The following PRIM2 variants were observed in gnomAD, a reference collection of about 807,000 sequenced individuals.
PRIM2 encodes DNA primase subunit 2, also known as DNA primase large subunit.
In PRIM2, 39 loss-of-function variants were observed where a neutral mutation model predicts 67.3. The observed-to-expected ratio is 0.58, with a 90% CI of 0.45 to 0.76. The LOEUF is 0.76. Among genes scored for constraint, PRIM2 ranks in the 30% least tolerant of loss-of-function variants. The pLI is 0.00. For missense variants in PRIM2, 398 were observed against 598.7 expected, an observed-to-expected ratio of 0.66 and a Z score of 3.50; for synonymous variants, 143 against 198.7, an observed-to-expected ratio of 0.72 and a Z score of 2.36.
intron 5 of PRIM2, among the ~76,000 whole-genome samples, chr6:57,327,518 G>A (rs948784696): frequency 6.6e-6 from 1 of 152,120 alleles, no homozygotes; most frequent in African/African-American, 2.4e-5. Flanking sequence ...TGCTAGGTAG[G>A]CAGTTTCTAT....
chr6:57,619,367 C>G (rs1776811299), intron 12 of PRIM2, among the ~76,000 whole-genome samples: 1 of 152,044 alleles, frequency 6.6e-6, no homozygotes, highest in South Asian at 2.1e-4. Context: ...CTCATCAACA[C>G]CCCCTAAAAA....
intron 13 of PRIM2, among the ~76,000 whole-genome samples, chr6:57,636,418 C>CA (rs1165426674): frequency 6.6e-5 from 10 of 151,918 alleles, no homozygotes; most frequent in African/African-American, 1.9e-4. Flanking sequence ...CCCCCACATA[C>CA]AAAAAAACCC....
chr6:57,311,059 G>A (rs1277814389), upstream of PRIM2, among the ~76,000 whole-genome samples: 16 of 145,880 alleles, frequency 1.1e-4, no homozygotes, highest in African/African-American at 3.6e-4. Flanking sequence ...ACAGGGTGGC[G>A]GCCGGGCAGA....
intron 12 of PRIM2, among the ~76,000 whole-genome samples, chr6:57,613,837 T>A (rs1166854279): frequency 2.6e-5 from 4 of 152,256 alleles, no homozygotes; most frequent in African/African-American, 9.6e-5. Flanking sequence ...CTCTTTTTTT[T>A]TATTTATTTT....
chr6:57,518,015 AT>A lies in PRIM2; in HGVS notation c.761+10564del, dbSNP rs1262605662. Among the ~76,000 whole-genome samples, 195 of 152,270 alleles carry A rather than the reference AT, an allele frequency of 1.3e-3. 5 individuals are homozygous for A. The East Asian group carries it at 0.016, about 12-fold the overall frequency. ...GGCATTCCAGAACCAATTAACCTTT[AT>A]TTACTCAGAGTAAACACAAAACAAA... On this transcript the variant is annotated intron_variant, in intron 8 of 13. Coordinates refer to ENST00000615550, the MANE Select transcript of PRIM2 (RefSeq NM_000947.5).
Position 57,523,408 on chromosome 6 carries a change from C to T in PRIM2, c.762-9003C>T, listed in dbSNP as rs1250720342. 9.8e-5 allele frequency among the ~76,000 whole-genome samples: 15 copies of T among 152,344 alleles called. No individual in the cohort carries two copies. In the South Asian group the frequency reaches 2.5e-3, roughly 25 times the overall value. The stretch of plus-strand genomic sequence containing the variant: ...TTATTGCCTGGTTCTTTTATGCCTC[C>T]ATGATTGCCTTGGGCAAACTGGACT... On this transcript the variant is annotated intron_variant, in intron 8 of 13. Transcript: ENST00000615550.
At chr6:57,238,664 A>T in the PRIM2 span, among the ~76,000 whole-genome samples, 2 of 152,206 alleles carry the variant, frequency 1.3e-5, no homozygotes, top group South Asian at 4.1e-4. Context: ...CTGGAGAAGC[A>T]AGAGCAAATA....
At chr6:57,501,132 T>G (rs1262828025) in intron 7 of PRIM2, among the ~76,000 whole-genome samples, 2 of 152,210 alleles carry the variant, frequency 1.3e-5, no homozygotes, top group Non-Finnish European at 2.9e-5. Flanking sequence ...ACAATTACCT[T>G]TTCCATCCTG....
In PRIM2 at chr6:57,418,136, T is replaced by C. The variant is rs537689617; in HGVS notation, c.693+35968T>C. Reference sequence around the variant, plus strand: ...AACAAGGGAGAATAGGAGGTACTTATAAAGAAGAAGGCTTAAAAATGGCCA... The same window carrying C: ...AACAAGGGAGAATAGGAGGTACTTACAAAGAAGAAGGCTTAAAAATGGCCA... On this transcript the variant is annotated intron_variant, in intron 7 of 13. Coordinates refer to ENST00000615550, the MANE Select transcript of PRIM2 (RefSeq NM_000947.5). Among the ~76,000 whole-genome samples, 351 of 152,162 alleles carry C rather than the reference T, an allele frequency of 2.3e-3. 1 individual carries two copies. Among genetic ancestry groups the C allele is most frequent in the Non-Finnish European group, 3.9e-3 (265 of 68,006 alleles).
At chr6:57,226,773 A>G in the PRIM2 span, among the ~76,000 whole-genome samples, 7 of 152,220 alleles carry the variant, frequency 4.6e-5, no homozygotes, top group African/African-American at 1.4e-4. Context: ...GGGGTGATAC[A>G]GAAAAGTGCA....
intron 7 of PRIM2, among the ~76,000 whole-genome samples, chr6:57,468,472 A>T (rs1241448337): frequency 6.6e-6 from 1 of 152,182 alleles, no homozygotes; most frequent in Non-Finnish European, 1.5e-5. Flanking sequence ...CATCCCAGGG[A>T]TGAAGCCAAG....
At chr6:57,485,308 G>GT (rs1431579816) in intron 7 of PRIM2, among the ~76,000 whole-genome samples, 2 of 152,084 alleles carry the variant, frequency 1.3e-5, no homozygotes, top group Non-Finnish European at 2.9e-5. Context: ...CCCTTGCCCT[G>GT]TTTACCTTAA....
At chr6:57,481,433 T>A in intron 7 of PRIM2, among the ~76,000 whole-genome samples, 1 of 152,338 alleles carries the variant, frequency 6.6e-6, no homozygotes, top group South Asian at 2.1e-4. Context: ...GTTGCATATA[T>A]CAATAGTTTG....
intron 7 of PRIM2, among the ~76,000 whole-genome samples, chr6:57,430,455 T>TG (rs1771783340): frequency 8.7e-6 from 1 of 114,920 alleles, no homozygotes; most frequent in Non-Finnish European, 1.6e-5. Context: ...TTGTTTTTTT[T>TG]TTTTTTTTTT....
the PRIM2 span, among the ~76,000 whole-genome samples, chr6:57,241,515 GAA>G: frequency 3.1e-4 from 45 of 146,078 alleles, no homozygotes; most frequent in South Asian, 6.5e-4. Flanking sequence ...ATGGCAAGCA[GAA>G]AAAAAAAAAA....
chr6:57,539,900 A>G (rs1194261526), intron 10 of PRIM2, among the ~76,000 whole-genome samples: 1 of 151,952 alleles, frequency 6.6e-6, no homozygotes, highest in African/African-American at 2.4e-5. Flanking sequence ...TGGCTGAGTC[A>G]GGAGAATCAC....
chr6:57,594,764 G>C (rs1174691090), intron 10 of PRIM2, among the ~76,000 whole-genome samples: 1 of 152,058 alleles, frequency 6.6e-6, no homozygotes, highest in Non-Finnish European at 1.5e-5. Context: ...TTAGGACACA[G>C]AGAGCACTAC....
intron 8 of PRIM2, among the ~76,000 whole-genome samples, chr6:57,525,747 A>G (rs1554349305): frequency 0.01 from 1,584 of 152,318 alleles, 36 homozygotes; most frequent in South Asian, 0.076. Context: ...TTCATTTAGA[A>G]GAGACCTCCT....
At chr6:57,376,025 A>G (rs1769751008) in intron 5 of PRIM2, among the ~76,000 whole-genome samples, 1 of 152,136 alleles carries the variant, frequency 6.6e-6, no homozygotes, top group African/African-American at 2.4e-5. Context: ...TGAGCAACAT[A>G]GGGAGATCCC....
Sources: gnomAD v4.1 joint callset for allele counts (sites outside exome capture counted in the v4.1 genomes callset) on GRCh38, gnomAD v4.1.1 for gene constraint, MANE v1.5 for transcripts, NCBI Gene and HGNC (gene_info 2026-07-23, HGNC 2026-07-21) for gene names.